The following SOX13 variants were observed in gnomAD, a reference collection of about 807,000 sequenced individuals.
SOX13 encodes the protein transcription factor SOX-13.
In SOX13, 28 loss-of-function variants were observed where a neutral mutation model predicts 71.8. The ratio of observed to expected loss-of-function variants is 0.39; its 90% confidence interval spans 0.29 to 0.53. The LOEUF (loss-of-function observed/expected upper bound fraction) is 0.53. Ranked by LOEUF, SOX13 falls within the 20% of genes least tolerant of loss-of-function variation. The pLI, the probability that SOX13 is intolerant of heterozygous loss-of-function variation, is 0.70. For missense variants in SOX13, 627 were observed against 810.3 expected (o/e 0.77, Z 2.75); for synonymous variants, 309 against 317.8 (o/e 0.97, Z 0.29).
In SOX13 at chr1:204,127,661, A is replaced by G. The variant is rs1041201194; in HGVS notation, c.*1527A>G. 1 of 152,644 alleles carries G rather than the reference A, an allele frequency of 6.6e-6. No homozygotes were observed. Among genetic ancestry groups the G allele is most frequent in the African/African-American group, 2.4e-5 (1 of 41,442 alleles). 9.5% of individuals were successfully genotyped at this position (152,644 alleles called of 1,614,324 possible). ...GTTAATAATAAGATAATGATGAGTAACTTAACCAGCACATTTCTCCTGTTT... is the reference window on the plus strand; with the variant it reads ...GTTAATAATAAGATAATGATGAGTAGCTTAACCAGCACATTTCTCCTGTTT... On this transcript the variant is annotated 3_prime_UTR_variant, in exon 14 of 14. Coordinates refer to ENST00000367204, the MANE Select transcript of SOX13 (RefSeq NM_005686.3).
chr1:204,087,662 C>A (rs1343677115), intron 1 of SOX13, among the ~76,000 whole-genome samples: 1 of 152,208 alleles, frequency 6.6e-6, no homozygotes, highest in African/African-American at 2.4e-5. Context: ...ATTTTGAGTT[C>A]TCTTGCTATA....
At chr1:204,122,625 G>A in intron 9 of SOX13, 1 of 600,082 alleles carries the variant, frequency 1.7e-6, no homozygotes, top group East Asian at 2.8e-5. Flanking sequence ...GTTCCAGGGG[G>A]TACTGTTGTC....
intron 1 of SOX13, among the ~76,000 whole-genome samples, chr1:204,087,329 G>A (rs1433880580): frequency 6.6e-6 from 1 of 152,196 alleles, no homozygotes; most frequent in African/African-American, 2.4e-5. Context: ...TTATACAGAG[G>A]GGTCAGGTGC....
At chr1:204,116,769 A>C (rs1485988063) in intron 5 of SOX13, 90 bp downstream of exon 5, 21 of 1,553,362 alleles carry the variant, frequency 1.4e-5, no homozygotes, top group South Asian at 2.5e-5. Context: ...AGGCCTCACC[A>C]GTGCAAGCTG....
chr1:204,084,699 C>T (rs1390378356), intron 1 of SOX13, among the ~76,000 whole-genome samples: 2 of 152,136 alleles, frequency 1.3e-5, no homozygotes, highest in Non-Finnish European at 2.9e-5. Flanking sequence ...GGAGCCAGCC[C>T]CTTCCTCCCT....
intron 1 of SOX13, among the ~76,000 whole-genome samples, chr1:204,082,647 G>C (rs1655933050): frequency 6.6e-6 from 1 of 152,166 alleles, no homozygotes; most frequent in African/African-American, 2.4e-5. Flanking sequence ...GGTAGAGAAA[G>C]ACCCAATGGT....
At chr1:204,113,604 C>A (rs1656631292) in intron 2 of SOX13, among the ~76,000 whole-genome samples, 1 of 151,916 alleles carries the variant, frequency 6.6e-6, no homozygotes, top group South Asian at 2.1e-4. Flanking sequence ...TCTTGCAGCT[C>A]CTAAAAATTC....
At chr1:204,119,476 A>ATG (rs1656759092) in intron 7 of SOX13, 1 of 151,840 alleles carries the variant, frequency 6.6e-6, no homozygotes, top group Non-Finnish European at 1.5e-5. Context: ...TGAGGGCTCC[A>ATG]CCCTCATGAC....
intron 1 of SOX13, among the ~76,000 whole-genome samples, chr1:204,074,569 C>G (rs1447871673): frequency 6.6e-6 from 1 of 152,222 alleles, no homozygotes; most frequent in African/African-American, 2.4e-5. Context: ...TGGCTGCTTC[C>G]CGTCCCCAGG....
intron 12 of SOX13, 57 bp from the exon 13 acceptor site, chr1:204,124,584 C>G (rs1411909946): frequency 4.1e-6 from 6 of 1,462,036 alleles, no homozygotes; most frequent in Non-Finnish European, 5.6e-6. Flanking sequence ...CTGCATGGGG[C>G]TGGGGGTGGT....
chr1:204,110,462 C>T (rs1397539398), intron 1 of SOX13, among the ~76,000 whole-genome samples: 3 of 151,888 alleles, frequency 2.0e-5, no homozygotes, highest in Non-Finnish European at 1.5e-5. Flanking sequence ...CCCTGTGCCT[C>T]TAGATTACTT....
At chr1:204,121,171 G>A (rs1316178823) in intron 7 of SOX13, among the ~76,000 whole-genome samples, 1 of 151,950 alleles carries the variant, frequency 6.6e-6, no homozygotes, top group Non-Finnish European at 1.5e-5. Context: ...GTGGAGATGG[G>A]GTTTCACCAT....
chr1:204,105,463 C>T (rs1038933315), intron 1 of SOX13, among the ~76,000 whole-genome samples: 8 of 148,006 alleles, frequency 5.4e-5, no homozygotes, highest in Non-Finnish European at 1.0e-4. Context: ...TGGAGTGCAG[C>T]AGTGCAATCT....
At chr1:204,097,090 C>T (rs1048989776) in intron 1 of SOX13, among the ~76,000 whole-genome samples, 3 of 152,140 alleles carry the variant, frequency 2.0e-5, no homozygotes, top group East Asian at 1.9e-4. Flanking sequence ...AGGGCAGGGG[C>T]GAGGTCCACT....
In SOX13 at chr1:204,122,834, T is replaced by G. The variant is rs1656837302; in HGVS notation, c.1025-20T>G. 4 of 1,464,698 alleles carry G rather than the reference T, an allele frequency of 2.7e-6. No individual in the cohort carries two copies. The allele number at this position is 1,464,698 out of a possible 1,614,324, so 90.7% of individuals were successfully genotyped here. ...CAGCTTCTCTCGCTTCTCTTCCCTC[T>G]CTTCTGCCCTCTCCCACAGGCTTCC... On this transcript the variant is annotated intron_variant, in intron 9 of 13. Transcript: ENST00000367204.
intron 1 of SOX13, among the ~76,000 whole-genome samples, chr1:204,106,730 C>A (rs1301838687): frequency 6.6e-6 from 1 of 152,118 alleles, no homozygotes; most frequent in Non-Finnish European, 1.5e-5. Context: ...GTCTCAAACT[C>A]CTGACCTCAG....
intron 1 of SOX13, among the ~76,000 whole-genome samples, chr1:204,096,241 T>TTTTTTG (rs1656249662): frequency 7.6e-6 from 1 of 132,250 alleles, no homozygotes; most frequent in Non-Finnish European, 1.6e-5. Context: ...TTTCTTTCGT[T>TTTTTTG]TTTTTTTTTT....
chr1:204,098,919 C>T (rs773721460), intron 1 of SOX13, among the ~76,000 whole-genome samples: 2 of 152,256 alleles, frequency 1.3e-5, no homozygotes, highest in Non-Finnish European at 2.9e-5. Flanking sequence ...CTTGGCATAG[C>T]TGGCAGGAGT....
chr1:204,090,657 C>T (rs201787405), intron 1 of SOX13, among the ~76,000 whole-genome samples: 4 of 151,958 alleles, frequency 2.6e-5, no homozygotes, highest in African/African-American at 4.8e-5. Context: ...GTGATCCACC[C>T]GCCTGGGCCT....
Sources: gnomAD v4.1 joint callset for allele counts (sites outside exome capture counted in the v4.1 genomes callset) on GRCh38, gnomAD v4.1.1 for gene constraint, MANE v1.5 for transcripts, NCBI Gene and HGNC (gene_info 2026-07-23, HGNC 2026-07-21) for gene names.